RUNX2: variants seen among roughly 807,000 people sequenced by gnomAD.
The protein encoded by RUNX2 is RUNX family transcription factor 2, also known as runt-related transcription factor 2.
A neutral mutation model predicts 51.7 loss-of-function variants in RUNX2; 10 were observed. The observed-to-expected ratio is 0.19, with a 90% CI of 0.12 to 0.33. The LOEUF is 0.33. RUNX2 is among the 10% of genes least tolerant of loss of function. The probability of loss-of-function intolerance (pLI) is 1.00; values close to 1 mark genes in which losing one functional copy is unlikely to be tolerated. For missense variants in RUNX2, 562 were observed against 691.3 expected (o/e 0.81, Z 2.10); for synonymous variants, 276 against 273.6 (o/e 1.01, Z -0.09).
intron 7 of RUNX2, among the ~76,000 whole-genome samples, chr6:45,540,015 C>CTTTGG (rs1802167706): frequency 6.6e-6 from 1 of 152,196 alleles, no homozygotes; most frequent in East Asian, 1.9e-4. Context: ...TGAGCCAGAG[C>CTTTGG]TCGCTTACTT....
intron 2 of RUNX2, among the ~76,000 whole-genome samples, chr6:45,373,350 C>G (rs562836205): frequency 4.1e-4 from 62 of 152,220 alleles, no homozygotes; most frequent in African/African-American, 1.4e-3. Context: ...CAGACCAATT[C>G]TAGAAAGTAA....
intron 5 of RUNX2, among the ~76,000 whole-genome samples, chr6:45,474,377 G>A (rs1282284772): frequency 1.8e-5 from 1 of 56,166 alleles, no homozygotes; most frequent in African/African-American, 8.4e-5. Context: ...TTATATATGT[G>A]TGTGTGTGTG....
chr6:45,357,708 A>C (rs920580414), intron 2 of RUNX2, among the ~76,000 whole-genome samples: 7 of 152,204 alleles, frequency 4.6e-5, no homozygotes, highest in African/African-American at 1.7e-4. Context: ...AAAAATAATG[A>C]ATTGACAGAA....
At chr6:45,364,081 CT>C (rs1174114461) in intron 2 of RUNX2, among the ~76,000 whole-genome samples, 3 of 149,960 alleles carry the variant, frequency 2.0e-5, no homozygotes, top group Admixed American at 6.7e-5. Context: ...TGCCACTGCA[CT>C]ACAGCCTGGG....
rs533721188 is a variant in RUNX2 at position 45,386,750 on chromosome 6, T to C, written c.59-35843T>C. Among the ~76,000 whole-genome samples the C allele has an allele frequency of 2.0e-5, 3 of 152,322 alleles. No homozygotes were observed. In the South Asian group the frequency reaches 6.2e-4, roughly 32 times the overall value. On this transcript the variant is annotated intron_variant, in intron 2 of 8. Transcript: ENST00000647337. ...GATAATTTAGGCAGAGGGAGCCGTATTAGCAAAGTCAGTGTGTTGGAGGAA... is the reference window on the plus strand; with the variant it reads ...GATAATTTAGGCAGAGGGAGCCGTACTAGCAAAGTCAGTGTGTTGGAGGAA...
chr6:45,491,622 G>GTTT (rs34040641), intron 5 of RUNX2, among the ~76,000 whole-genome samples: 1,316 of 93,456 alleles, frequency 0.014, 49 homozygotes, highest in African/African-American at 0.03. Context: ...TCTCCTGTTT[G>GTTT]TTTTTTTTTT....
intron 5 of RUNX2, among the ~76,000 whole-genome samples, chr6:45,450,081 A>C (rs1282491690): frequency 1.3e-5 from 2 of 152,224 alleles, no homozygotes; most frequent in Non-Finnish European, 2.9e-5. Context: ...AAAATGATGG[A>C]ATGCTACAGA....
chr6:45,475,056 G>A (rs1251742525), intron 5 of RUNX2, among the ~76,000 whole-genome samples: 1 of 151,246 alleles, frequency 6.6e-6, no homozygotes, highest in East Asian at 1.9e-4. Context: ...CCTGGGAGGT[G>A]GAGGCTGCAA....
chr6:45,344,942 A>G (rs1184525593), intron 2 of RUNX2, among the ~76,000 whole-genome samples: 1 of 152,140 alleles, frequency 6.6e-6, no homozygotes, highest in Non-Finnish European at 1.5e-5. Context: ...GCCATGGACT[A>G]TGCTCTGAAG....
chr6:45,519,836 G>GTGTGTGTGTGTGTA (rs1430887373), intron 7 of RUNX2, among the ~76,000 whole-genome samples: 6 of 134,620 alleles, frequency 4.5e-5, no homozygotes, highest in Admixed American at 3.9e-4. Context: ...GTGTGTGTGT[G>GTGTGTGTGTGTGTA]TATATATTTG....
At chr6:45,330,117 C>T (rs1787157336) in intron 2 of RUNX2, among the ~76,000 whole-genome samples, 1 of 149,860 alleles carries the variant, frequency 6.7e-6, no homozygotes, top group African/African-American at 2.4e-5. Flanking sequence ...TTGTATTTTA[C>T]AAAAAAAAAT....
chr6:45,452,731 A>G (rs545729425), intron 5 of RUNX2, among the ~76,000 whole-genome samples: 4 of 152,228 alleles, frequency 2.6e-5, no homozygotes, highest in African/African-American at 7.2e-5. Context: ...AGTGCATACA[A>G]TTTTCTCTAA....
At chr6:45,446,840 G>A (rs1799012727) in intron 5 of RUNX2, among the ~76,000 whole-genome samples, 1 of 152,034 alleles carries the variant, frequency 6.6e-6, no homozygotes, top group East Asian at 1.9e-4. Context: ...AAGTAATTTT[G>A]GAAATTAAGA....
At chr6:45,491,819 T>C (rs1800484120) in intron 5 of RUNX2, 122 bp from the exon 6 acceptor site, 2 of 1,021,960 alleles carry the variant, frequency 2.0e-6, no homozygotes, top group Non-Finnish European at 3.1e-6. Flanking sequence ...CAAGTCATTA[T>C]AAATATTAAT....
intron 7 of RUNX2, among the ~76,000 whole-genome samples, chr6:45,516,366 A>G (rs540656563): frequency 6.6e-6 from 1 of 152,238 alleles, no homozygotes; most frequent in Non-Finnish European, 1.5e-5. Flanking sequence ...AGTTATTGCC[A>G]TGTAATTGAC....
At chr6:45,422,991 G>A in intron 3 of RUNX2, 34 bp downstream of exon 3, 1 of 1,598,796 alleles carries the variant, frequency 6.3e-7, no homozygotes, top group East Asian at 2.3e-5. Context: ...CCCCCGGCCG[G>A]GAGCGGCGGA....
chr6:45,415,273 A>G (rs983151246), intron 2 of RUNX2, among the ~76,000 whole-genome samples: 42 of 152,364 alleles, frequency 2.8e-4, no homozygotes, highest in African/African-American at 8.9e-4. Flanking sequence ...GCTAGGAAGA[A>G]CTAAAAATAA....
At chr6:45,334,769 T>C (rs1394000022) in intron 2 of RUNX2, among the ~76,000 whole-genome samples, 4 of 147,320 alleles carry the variant, frequency 2.7e-5, no homozygotes, top group South Asian at 2.1e-4. Context: ...AGGAAAAAAA[T>C]TGTAAATTAT....
At chr6:45,518,002 A>G (rs1801385564) in intron 7 of RUNX2, among the ~76,000 whole-genome samples, 1 of 152,188 alleles carries the variant, frequency 6.6e-6, no homozygotes, top group Non-Finnish European at 1.5e-5. Context: ...CTCTTAACTC[A>G]CAGGAGGGAG....
Sources: allele counts gnomAD v4.1 joint callset (sites outside exome capture counted in the v4.1 genomes callset), GRCh38; gene constraint gnomAD v4.1.1; transcripts MANE v1.5; gene names NCBI Gene and HGNC (gene_info 2026-07-23, HGNC 2026-07-21).